CNTNAP2: variants seen among roughly 807,000 people sequenced by gnomAD.
CNTNAP2 encodes the protein contactin-associated protein-like 2.
A neutral mutation model predicts 155.2 loss-of-function variants in CNTNAP2; 98 were observed. The observed-to-expected ratio is 0.63, with a 90% CI of 0.54 to 0.75. The LOEUF is 0.75. Ranked by LOEUF, CNTNAP2 falls within the 30% of genes least tolerant of loss-of-function variation. The pLI is 0.00. For synonymous variants in CNTNAP2, 651 were observed against 631.2 expected (o/e 1.03, Z -0.47); for missense variants, 1,727 against 1,688.1 (o/e 1.02, Z -0.40).
intron 11 of CNTNAP2, among the ~76,000 whole-genome samples, chr7:147,487,337 AC>A (rs1798527653): frequency 6.6e-6 from 1 of 152,198 alleles, no homozygotes; most frequent in African/African-American, 2.4e-5. Flanking sequence ...TGAATAAAGA[AC>A]AAAAATGATT....
At chr7:147,534,224 C>T (rs759809461) in intron 11 of CNTNAP2, among the ~76,000 whole-genome samples, 19 of 152,208 alleles carry the variant, frequency 1.2e-4, no homozygotes, top group East Asian at 3.9e-4. Flanking sequence ...AGGCCAGTAA[C>T]GCTGGTGAAC....
intron 11 of CNTNAP2, among the ~76,000 whole-genome samples, chr7:147,504,703 A>T (rs1798877165): frequency 2.4e-5 from 1 of 40,976 alleles, no homozygotes; most frequent in South Asian, 5.0e-4. Flanking sequence ...AAAAAAAAAC[A>T]AAAAACCTCT....
At chr7:146,260,002 G>T (rs1204493344) in intron 1 of CNTNAP2, among the ~76,000 whole-genome samples, 3 of 152,202 alleles carry the variant, frequency 2.0e-5, no homozygotes, top group African/African-American at 7.2e-5. Context: ...ATGCTGTTCT[G>T]TGTAACCTCG....
chr7:147,739,837 G>A (rs866848471), intron 13 of CNTNAP2, among the ~76,000 whole-genome samples: 1 of 151,848 alleles, frequency 6.6e-6, no homozygotes, highest in Admixed American at 6.6e-5. Flanking sequence ...ATATATAAAT[G>A]CTGAATTAAA....
At chr7:147,733,960 A>G (rs1796791715) in intron 13 of CNTNAP2, among the ~76,000 whole-genome samples, 1 of 152,170 alleles carries the variant, frequency 6.6e-6, no homozygotes, top group African/African-American at 2.4e-5. Flanking sequence ...TTCATCTGCA[A>G]ACAAGGACAA....
In CNTNAP2 at chr7:146,881,220, A is replaced by G. The variant is rs979091192; in HGVS notation, c.402+41316A>G. On this transcript the variant is annotated intron_variant, in intron 3 of 23. Transcript: ENST00000361727. ...GTATTTTAACCTACAGGAAAAGCCA[A>G]TAAAACTGTATTGGTTTTCTCAAGA... Among the ~76,000 whole-genome samples the G allele has an allele frequency of 6.6e-5, 10 of 152,260 alleles. 1 individual carries two copies. The highest frequency in any genetic ancestry group is 1.4e-4 in the African/African-American group (6 of 41,566).
intron 21 of CNTNAP2, among the ~76,000 whole-genome samples, chr7:148,284,276 C>A (rs2116468584): frequency 6.6e-6 from 1 of 152,140 alleles, no homozygotes; most frequent in East Asian, 1.9e-4. Context: ...GGGGGGGTTT[C>A]CCCCATACTG....
intron 8 of CNTNAP2, among the ~76,000 whole-genome samples, chr7:147,206,352 G>A (rs978851352): frequency 1.3e-5 from 2 of 151,118 alleles, no homozygotes; most frequent in Admixed American, 1.3e-4. Context: ...ATCACTTGAG[G>A]TCAGGAGTTC....
chr7:148,030,755 T>A (rs1802462726), intron 15 of CNTNAP2, among the ~76,000 whole-genome samples: 1 of 151,458 alleles, frequency 6.6e-6, no homozygotes, highest in African/African-American at 2.4e-5. Context: ...TAGATGAAGT[T>A]CAAAAACAAA....
chr7:147,500,487 A>G (rs1242259574), intron 11 of CNTNAP2, among the ~76,000 whole-genome samples: 2 of 152,036 alleles, frequency 1.3e-5, no homozygotes, highest in African/African-American at 4.8e-5. Flanking sequence ...TAAGCTCTCT[A>G]TCCACTGTTC....
At chr7:147,116,328 T>A (rs1375285684) in intron 5 of CNTNAP2, among the ~76,000 whole-genome samples, 1 of 152,184 alleles carries the variant, frequency 6.6e-6, no homozygotes, top group Non-Finnish European at 1.5e-5. Context: ...AAAAAAGCAG[T>A]CTGGCTGCTT....
At chr7:147,704,179 A>G (rs1373504910) in intron 13 of CNTNAP2, 3 of 152,118 alleles carry the variant, frequency 2.0e-5, no homozygotes, top group African/African-American at 7.2e-5. Flanking sequence ...TCGCTAATAC[A>G]TTTTCTTTGT....
intron 3 of CNTNAP2, among the ~76,000 whole-genome samples, chr7:147,007,306 C>G (rs1411973530): frequency 6.6e-6 from 1 of 152,050 alleles, no homozygotes; most frequent in Non-Finnish European, 1.5e-5. Flanking sequence ...TCTGATTGCT[C>G]TAACCACAGA....
intron 1 of CNTNAP2, among the ~76,000 whole-genome samples, chr7:146,304,336 C>T (rs1429134527): frequency 3.3e-5 from 5 of 151,952 alleles, no homozygotes; most frequent in African/African-American, 1.2e-4. Flanking sequence ...CTCTTTTGCT[C>T]GTTAGTTGAT....
At chr7:148,134,621 G>A (rs1485695702) in intron 16 of CNTNAP2, among the ~76,000 whole-genome samples, 1 of 152,074 alleles carries the variant, frequency 6.6e-6, no homozygotes, top group Non-Finnish European at 1.5e-5. Context: ...CTAATTTTCT[G>A]TATTTAAATA....
At chr7:146,765,242 C>T (rs907764898) in intron 1 of CNTNAP2, among the ~76,000 whole-genome samples, 1 of 152,144 alleles carries the variant, frequency 6.6e-6, no homozygotes, top group Non-Finnish European at 1.5e-5. Context: ...GACAAACCCT[C>T]TATATAATTC....
chr7:146,931,607 A>G (rs1251948135), intron 3 of CNTNAP2, among the ~76,000 whole-genome samples: 1 of 151,140 alleles, frequency 6.6e-6, no homozygotes, highest in Non-Finnish European at 1.5e-5. Flanking sequence ...TGAAGGAAAT[A>G]GAGACACAAA....
At chr7:147,958,277 C>T (rs955589364) in intron 14 of CNTNAP2, among the ~76,000 whole-genome samples, 15 of 151,984 alleles carry the variant, frequency 9.9e-5, no homozygotes, top group African/African-American at 2.7e-4. Flanking sequence ...TGAATACTTA[C>T]GTGAATACTA....
chr7:146,233,823 C>T (rs1156727685), intron 1 of CNTNAP2, among the ~76,000 whole-genome samples: 1 of 151,492 alleles, frequency 6.6e-6, no homozygotes, highest in Non-Finnish European at 1.5e-5. Flanking sequence ...GCATAGTATT[C>T]CATGGTGTAT....
Sources: allele counts gnomAD v4.1 joint callset (sites outside exome capture counted in the v4.1 genomes callset), GRCh38; gene constraint gnomAD v4.1.1; transcripts MANE v1.5; gene names NCBI Gene and HGNC (gene_info 2026-07-23, HGNC 2026-07-21).